CCDC180: variants seen among roughly 807,000 people sequenced by gnomAD.
CCDC180 encodes coiled-coil domain-containing protein 180.
CCDC180 carries 154 observed loss-of-function variants against 209.2 expected under a neutral mutation model. The ratio of observed to expected loss-of-function variants is 0.74; its 90% CI spans 0.65 to 0.84. The LOEUF is 0.84. CCDC180 is among the 40% of genes least tolerant of loss of function. The pLI, the probability that CCDC180 is intolerant of heterozygous loss-of-function variation, is 0.00. For missense variants in CCDC180, 1,874 were observed against 1,997.3 expected (o/e 0.94, Z 1.18); for synonymous variants, 778 against 749.1 (o/e 1.04, Z -0.63).
At position 97,366,724 on chromosome 9, in the gene CCDC180, A is replaced by G. The variant is rs1826933808; in HGVS notation, c.4189+24A>G. ...AGGTGAGTATAGGCAGCAGGAAGGCACGGGGAACAGGGCGGGGCGCGAAGC... is the reference window on the plus strand; with the variant it reads ...AGGTGAGTATAGGCAGCAGGAAGGCGCGGGGAACAGGGCGGGGCGCGAAGC... On this transcript the variant is annotated intron_variant, in intron 31 of 36. Coordinates refer to ENST00000529487, the MANE Select transcript of CCDC180 (RefSeq NM_020893.6). The surrounding 1 kb of genome is among the most constrained non-coding windows in gnomAD (Gnocchi z 4.3). 11 of 1,612,952 alleles carry G rather than the reference A, an allele frequency of 6.8e-6. No individual in the cohort carries two copies. Among genetic ancestry groups the G allele is most frequent in the Non-Finnish European group, 7.6e-6 (9 of 1,179,404 alleles).
At chr9:97,363,510 G>A (rs895482505) in intron 28 of CCDC180, 10 of 483,568 alleles carry the variant, frequency 2.1e-5, no homozygotes, top group African/African-American at 9.8e-5. Context: ...GAGAGGTTAC[G>A]AAACAAAGTC....
chr9:97,373,636 T>C (rs1827161788), intron 34 of CCDC180: 1 of 152,244 alleles, frequency 6.6e-6, no homozygotes, highest in African/African-American at 2.4e-5. Context: ...CATTGTAACT[T>C]ACTAATTAGT....
chr9:97,353,995 CTT>C (rs33935021), intron 22 of CCDC180, among the ~76,000 whole-genome samples: 33,464 of 119,906 alleles, frequency 0.28, 4,499 homozygotes, highest in African/African-American at 0.44. Flanking sequence ...ATCTGGAATT[CTT>C]TTTTTTTTTT....
intron 25 of CCDC180, 57 bp from the exon 26 acceptor site, chr9:97,359,925 T>C: frequency 6.2e-7 from 1 of 1,601,518 alleles, no homozygotes; most frequent in Non-Finnish European, 8.5e-7. Context: ...CCACAGAATC[T>C]ACCCACCCTC....
intron 22 of CCDC180, among the ~76,000 whole-genome samples, chr9:97,352,465 G>T (rs1193727420): frequency 6.6e-6 from 1 of 152,132 alleles, no homozygotes; most frequent in Non-Finnish European, 1.5e-5. Context: ...CTGGGGAAGG[G>T]ATTCACAACA....
At chr9:97,312,751 G>C (rs934290675) in intron 4 of CCDC180, among the ~76,000 whole-genome samples, 4 of 147,072 alleles carry the variant, frequency 2.7e-5, no homozygotes, top group African/African-American at 7.5e-5. Context: ...GGACAGCAGA[G>C]CATATGGCAG....
intron 18 of CCDC180, among the ~76,000 whole-genome samples, chr9:97,335,283 C>T (rs575370530): frequency 6.6e-6 from 1 of 152,126 alleles, no homozygotes; most frequent in South Asian, 2.1e-4. Context: ...CACCCATCAA[C>T]TCGTCATTTA....
At position 97,325,216 on chromosome 9, in the gene CCDC180, A is replaced by G. The variant is rs778415228; in HGVS notation, c.1545+24A>G. 4.5e-6 allele frequency: 7 copies of G among 1,565,312 alleles called. No individual in the cohort carries two copies. The East Asian group carries it at 1.4e-4, about 31-fold the overall frequency. On this transcript the variant is annotated intron_variant, in intron 14 of 36. Coordinates refer to ENST00000529487, the MANE Select transcript of CCDC180 (RefSeq NM_020893.6). ...AGGTGAGACCCACACCCGGGGCTCC[A>G]TGTTTCACACCACAAACAGCAATGA... is the stretch of plus-strand genomic sequence containing the variant.
chr9:97,327,356 G>A (rs775676604), intron 15 of CCDC180, among the ~76,000 whole-genome samples: 106 of 151,882 alleles, frequency 7.0e-4, no homozygotes, highest in Non-Finnish European at 1.3e-3. Context: ...GGATTATACC[G>A]TGCAAATTGT....
chr9:97,367,646 G>T (rs528579162), intron 31 of CCDC180, among the ~76,000 whole-genome samples: 13 of 152,030 alleles, frequency 8.6e-5, no homozygotes, highest in African/African-American at 2.7e-4. Context: ...GCTAATTTTT[G>T]TATTTTTAGT....
At chr9:97,321,717 C>T (rs759714589) in intron 11 of CCDC180, among the ~76,000 whole-genome samples, 5 of 152,164 alleles carry the variant, frequency 3.3e-5, no homozygotes, top group Non-Finnish European at 7.3e-5. Flanking sequence ...GGAGAATGAA[C>T]AGGTCCCCAG....
intron 18 of CCDC180, among the ~76,000 whole-genome samples, chr9:97,334,013 G>T (rs1181037363): frequency 6.6e-6 from 1 of 151,830 alleles, no homozygotes; most frequent in Non-Finnish European, 1.5e-5. Flanking sequence ...TTTCTTTAAA[G>T]GGGGAACAAG....
chr9:97,369,860 C>T (rs374581126), intron 31 of CCDC180, 62 bp from the exon 32 acceptor site: 173 of 1,570,558 alleles, frequency 1.1e-4, no homozygotes, highest in African/African-American at 1.6e-4. Flanking sequence ...TTGTAGAGAT[C>T]GCCTCTGCAA....
At chr9:97,326,296 G>A (rs1833532271) in intron 14 of CCDC180, among the ~76,000 whole-genome samples, 1 of 152,188 alleles carries the variant, frequency 6.6e-6, no homozygotes, top group Non-Finnish European at 1.5e-5. Flanking sequence ...CCTGTCTCCA[G>A]GGGGTCCCAT....
At chr9:97,320,050 C>T in intron 10 of CCDC180, 76 bp from the exon 11 acceptor site, 3 of 1,083,412 alleles carry the variant, frequency 2.8e-6, no homozygotes, top group Non-Finnish European at 4.3e-6. Context: ...GAGCTATGTT[C>T]CTTGAAGATG....
At chr9:97,350,273 C>T in intron 21 of CCDC180, 136 bp from the exon 22 acceptor site, 1 of 810,434 alleles carries the variant, frequency 1.2e-6, no homozygotes, top group Admixed American at 2.6e-5. Flanking sequence ...CCTGTCCCTC[C>T]TGTGTCCCCA....
At position 97,309,667 on chromosome 9, in the gene CCDC180, A is replaced by G. The variant is rs977896155; in HGVS notation, c.260+63A>G. 7 of 1,361,684 alleles carry G rather than the reference A, an allele frequency of 5.1e-6. No individual in the cohort carries two copies. The South Asian group carries it at 6.5e-5, about 13-fold the overall frequency. The allele number at this position is 1,361,684 out of a possible 1,614,324, so 84.4% of individuals were successfully genotyped here. A position where few individuals can be genotyped will look rare whatever the true frequency, so the allele number is the denominator to read the frequency against. On this transcript the variant is annotated intron_variant, in intron 3 of 36. Transcript: ENST00000529487. ...GGGTACCTGAGCCTTCAAAAACTCA[A>G]AAAGAGCCAGCACAAGATGAGTAGC...
At chr9:97,343,079 A>G (rs2118776094) in intron 18 of CCDC180, among the ~76,000 whole-genome samples, 1 of 152,358 alleles carries the variant, frequency 6.6e-6, no homozygotes, top group African/African-American at 2.4e-5. Flanking sequence ...CTCAGCTCCA[A>G]CTAAAGATGC....
Position 97,314,479 on chromosome 9 carries a change from A to G in CCDC180, c.546A>G (p.Leu182=). 2 of 1,614,112 alleles carry G rather than the reference A, an allele frequency of 1.2e-6. No individual in the cohort carries two copies. Among genetic ancestry groups the G allele is most frequent in the Non-Finnish European group, 1.7e-6 (2 of 1,180,010 alleles). The stretch of plus-strand genomic sequence containing the variant: ...ATGAAGAAATGAACCGTCTCTTCCT[A>G]AAGGTGGAAAATGACACCAACCTTG... ...ESDEEMNRLF[L]KVENDTNLED... Residue 182 remains leucine (L), a synonymous_variant, in exon 6 of 37, where the codon CTA becomes CTG. Transcript: ENST00000529487.
Sources: gnomAD v4.1 joint callset for allele counts (sites outside exome capture counted in the v4.1 genomes callset) on GRCh38, gnomAD v4.1.1 for gene constraint, Gnocchi (gnomAD v3.1) non-coding constraint, MANE v1.5 for transcripts, NCBI Gene and HGNC (gene_info 2026-07-23, HGNC 2026-07-21) for gene names.